The following SNX31 variants were observed in gnomAD, a reference collection of about 807,000 sequenced individuals.
SNX31 encodes sorting nexin-31.
A neutral mutation model predicts 65.4 loss-of-function variants in SNX31; 58 were observed. The observed-to-expected ratio is 0.89, with a 90% CI of 0.72 to 1.10. The LOEUF (loss-of-function observed/expected upper bound fraction) is 1.10, where lower values mean the gene tolerates loss of function less well. SNX31 is among the 50% of genes least tolerant of loss of function. The pLI, the probability that SNX31 is intolerant of heterozygous loss-of-function variation, is 0.00. For synonymous variants in SNX31, 181 were observed against 190.1 expected (o/e 0.95, Z 0.39); for missense variants, 523 against 529.7 (o/e 0.99, Z 0.12).
At chr8:100,652,359 G>A (rs1225897347), upstream of SNX31, among the ~76,000 whole-genome samples, 1 of 152,130 alleles carries the variant, frequency 6.6e-6, no homozygotes, top group East Asian at 1.9e-4. Flanking sequence ...TTGTTTCCAA[G>A]GGGTATTTTA....
chr8:100,617,731 C>A lies in SNX31; in HGVS notation c.322-1G>T, dbSNP rs780403539. ...TCTTGGTGGCGATGTCAAATGTATT[C>A]TATAAGCAAAAGAAAAGCAAAATAA... On this transcript the variant is annotated splice_acceptor_variant, in intron 4 of 13. Transcript: ENST00000311812. LOFTEE classifies it high-confidence loss of function. The A allele has an allele frequency of 2.5e-6, 4 of 1,583,740 alleles. No homozygotes were observed. In the South Asian group the frequency reaches 4.6e-5, roughly 18 times the overall value.
intron 4 of SNX31, chr8:100,618,494 C>T: frequency 1.6e-6 from 1 of 638,238 alleles, no homozygotes; most frequent in Non-Finnish European, 2.7e-6. Flanking sequence ...TTATGACATG[C>T]TTTGCTTGGA....
At chr8:100,658,911 C>A (rs940876170) in intron 1 of SNX31, among the ~76,000 whole-genome samples, 1 of 152,150 alleles carries the variant, frequency 6.6e-6, no homozygotes, top group Non-Finnish European at 1.5e-5. Context: ...CTAGGCTTGG[C>A]GGAATTCAAA....
In SNX31 at chr8:100,658,825, G is replaced by A. The variant is rs112710241; in HGVS notation, c.-58+4317C>T. On this transcript the variant is annotated intron_variant, in intron 1 of 5. Transcript: ENST00000520352. ...TTCAAGAGGTTCTTTGCGATGAGTC[G>A]AGGTCTTGGTTAGGGGTGAACCAAT... Among the ~76,000 whole-genome samples, 446 of 152,232 alleles carry A rather than the reference G, an allele frequency of 2.9e-3. 2 individuals are homozygous for A. The highest frequency in any genetic ancestry group is 0.01 in the African/African-American group (424 of 41,550).
At position 100,578,251 on chromosome 8, in the gene SNX31, A is replaced by G. The variant is rs1383135427; in HGVS notation, c.1171-1176T>C. The stretch of plus-strand genomic sequence containing the variant: ...ACCTAGCCAGGCTTTTTGGGGAAAG[A>G]GTTCTTAGACTCTTCTTAATGGGAA... On this transcript the variant is annotated intron_variant, in intron 12 of 13. Transcript: ENST00000311812. The surrounding 1 kb of genome is among the most constrained non-coding windows in gnomAD (Gnocchi z 4.7). 6.6e-6 allele frequency among the ~76,000 whole-genome samples: 1 copy of G among 152,218 alleles called. No individual in the cohort carries two copies. Among genetic ancestry groups the G allele is most frequent in the African/African-American group, 2.4e-5 (1 of 41,452 alleles).
intron 2 of SNX31, among the ~76,000 whole-genome samples, chr8:100,640,775 A>G (rs7820862): frequency 6.6e-6 from 1 of 151,706 alleles, no homozygotes; most frequent in Non-Finnish European, 1.5e-5. Context: ...ACAAGTACTC[A>G]TCAGAATTAT....
intron 8 of SNX31, 136 bp from the exon 9 acceptor site, chr8:100,600,577 C>G: frequency 1.6e-6 from 1 of 613,968 alleles, no homozygotes. Flanking sequence ...TATTATAAGT[C>G]TTATTTTTTA....
intron 5 of SNX31, among the ~76,000 whole-genome samples, chr8:100,616,238 C>T (rs1374469293): frequency 1.3e-5 from 2 of 152,152 alleles, no homozygotes; most frequent in Non-Finnish European, 2.9e-5. Context: ...ATAGGAGACC[C>T]CAAACTATCA....
At chr8:100,577,865 C>G (rs1256536599) in intron 12 of SNX31, among the ~76,000 whole-genome samples, 1 of 152,192 alleles carries the variant, frequency 6.6e-6, no homozygotes, top group Non-Finnish European at 1.5e-5. Flanking sequence ...ACACCCTACT[C>G]TCACTTTTCT....
chr8:100,624,697 C>T (rs1318773014), intron 4 of SNX31, among the ~76,000 whole-genome samples: 1 of 151,990 alleles, frequency 6.6e-6, no homozygotes, highest in Non-Finnish European at 1.5e-5. Context: ...GTATAATTCA[C>T]AAAATTAATG....
In SNX31 at chr8:100,626,873, A is replaced by G. The variant is rs1266161214; in HGVS notation, c.321+3454T>C. On this transcript the variant is annotated intron_variant, in intron 4 of 13. Coordinates refer to ENST00000311812, the MANE Select transcript of SNX31 (RefSeq NM_152628.4). This position sits in a 1 kb window ranked among gnomAD's most constrained non-coding sequence, Gnocchi z 4.4. Reference sequence around the variant, plus strand: ...CAAAAGGATATAAAAGTGAGCTGGTAAAGTTCACGGAAGAAATGGAAGAGG... The same window carrying G: ...CAAAAGGATATAAAAGTGAGCTGGTGAAGTTCACGGAAGAAATGGAAGAGG... Among the ~76,000 whole-genome samples, 5 of 152,242 alleles carry G rather than the reference A, an allele frequency of 3.3e-5. No individual in the cohort carries two copies. Among genetic ancestry groups the G allele is most frequent in the African/African-American group, 1.2e-4 (5 of 41,464 alleles).
At chr8:100,635,607 T>C (rs977123344) in intron 3 of SNX31, among the ~76,000 whole-genome samples, 9 of 151,430 alleles carry the variant, frequency 5.9e-5, no homozygotes, top group African/African-American at 2.2e-4. Context: ...ACACATATTA[T>C]ATAATCCCTT....
At chr8:100,649,420 G>GC in intron 1 of SNX31, 29 bp downstream of exon 1, 1 of 1,517,098 alleles carries the variant, frequency 6.6e-7, no homozygotes, top group Non-Finnish European at 9.1e-7. Flanking sequence ...CCCCCTCCCT[G>GC]CCCACCCTGA....
chr8:100,581,252 T>C (rs1250346191), intron 12 of SNX31, among the ~76,000 whole-genome samples: 1 of 151,170 alleles, frequency 6.6e-6, no homozygotes, highest in African/African-American at 2.4e-5. Flanking sequence ...TGAGACATGA[T>C]TGCACCACTG....
chr8:100,618,543 A>G (rs1817435512), intron 4 of SNX31: 1 of 582,702 alleles, frequency 1.7e-6, no homozygotes. Context: ...GCTCAGCTCC[A>G]CAAGACTACC....
At chr8:100,587,413 C>T (rs1814143508) in intron 11 of SNX31, among the ~76,000 whole-genome samples, 1 of 152,196 alleles carries the variant, frequency 6.6e-6, no homozygotes, top group African/African-American at 2.4e-5. Context: ...AGATGTACAG[C>T]ACAGATTCTG....
intron 9 of SNX31, among the ~76,000 whole-genome samples, chr8:100,598,186 T>C (rs1036629431): frequency 1.3e-5 from 2 of 152,204 alleles, no homozygotes; most frequent in Non-Finnish European, 2.9e-5. Flanking sequence ...CAGCCACATG[T>C]GCCAGCTCAT....
At chr8:100,616,553 T>C (rs1054864906) in intron 5 of SNX31, among the ~76,000 whole-genome samples, 6 of 152,324 alleles carry the variant, frequency 3.9e-5, no homozygotes, top group Non-Finnish European at 7.3e-5. Flanking sequence ...GGGCTTTTGA[T>C]ACTTTTTAGA....
At chr8:100,616,796 C>T (rs1438663754) in intron 5 of SNX31, among the ~76,000 whole-genome samples, 1 of 152,124 alleles carries the variant, frequency 6.6e-6, no homozygotes, top group Non-Finnish European at 1.5e-5. Context: ...GGAGTGCTTC[C>T]GTTTCTCAGC....
Sources: gnomAD v4.1 joint callset for allele counts (sites outside exome capture counted in the v4.1 genomes callset) on GRCh38, gnomAD v4.1.1 for gene constraint, Gnocchi (gnomAD v3.1) non-coding constraint, MANE v1.5 for transcripts, NCBI Gene and HGNC (gene_info 2026-07-23, HGNC 2026-07-21) for gene names.